Variants in METAP2 observed in about 807,000 individuals in gnomAD.
METAP2 encodes the protein methionyl aminopeptidase 2, also known as methionine aminopeptidase 2.
A neutral mutation model predicts 59.4 loss-of-function variants in METAP2; 25 were observed. The observed-to-expected ratio is 0.42, with a 90% CI of 0.31 to 0.59. The LOEUF (loss-of-function observed/expected upper bound fraction) is 0.59. Ranked by LOEUF, METAP2 falls within the 20% of genes least tolerant of loss-of-function variation. The pLI, the probability that METAP2 is intolerant of heterozygous loss-of-function variation, is 0.16. For synonymous variants in METAP2, 214 were observed against 194.1 expected, an observed-to-expected ratio of 1.10 and a Z score of -0.85; for missense variants, 366 against 581.2, an observed-to-expected ratio of 0.63 and a Z score of 3.81.
At chr12:95,490,594 G>T in intron 4 of METAP2, among the ~76,000 whole-genome samples, 1 of 146,896 alleles carries the variant, frequency 6.8e-6, no homozygotes. Context: ...TTTTGAGATG[G>T]GGTGTTGCTG....
intron 2 of METAP2, chr12:95,482,305 G>T (rs998354441): frequency 2.0e-5 from 7 of 351,466 alleles, no homozygotes; most frequent in Non-Finnish European, 3.4e-5. Context: ...TAGAGACAGG[G>T]TTTCACCATG....
At chr12:95,494,797 A>G (rs1197281880) in intron 5 of METAP2, among the ~76,000 whole-genome samples, 160 bp from the exon 6 acceptor site, 1 of 152,208 alleles carries the variant, frequency 6.6e-6, no homozygotes, top group Non-Finnish European at 1.5e-5. Context: ...TCATAGCATC[A>G]GAGAACTGTT....
chr12:95,512,714 A>AAG (rs1257050281), intron 9 of METAP2, 87 bp from the exon 10 acceptor site: 7 of 749,086 alleles, frequency 9.3e-6, no homozygotes, highest in Non-Finnish European at 1.1e-5. Flanking sequence ...CTGTCTCAAA[A>AAG]AGAGAGAGAG....
At chr12:95,506,851 G>A (rs1211584710) in intron 8 of METAP2, among the ~76,000 whole-genome samples, 2 of 150,448 alleles carry the variant, frequency 1.3e-5, no homozygotes, top group African/African-American at 2.5e-5. Context: ...TACTCGTTCT[G>A]TCACCCAGGC....
intron 4 of METAP2, among the ~76,000 whole-genome samples, chr12:95,491,351 T>C (rs1314431633): frequency 1.3e-5 from 2 of 152,202 alleles, no homozygotes; most frequent in African/African-American, 4.8e-5. Context: ...CCTTCTACAT[T>C]TATTAGGTGA....
intron 4 of METAP2, among the ~76,000 whole-genome samples, chr12:95,492,302 T>G (rs1238993201): frequency 1.3e-5 from 2 of 152,176 alleles, no homozygotes; most frequent in African/African-American, 4.8e-5. Flanking sequence ...TACCTGGCTT[T>G]AATTGCTATA....
chr12:95,475,788 A>T (rs112690176), intron 1 of METAP2, among the ~76,000 whole-genome samples: 2 of 152,126 alleles, frequency 1.3e-5, no homozygotes, highest in Non-Finnish European at 1.5e-5. Context: ...GCTGACCACT[A>T]TTACAAGTTA....
chr12:95,500,549 G>A (rs1199050118), intron 7 of METAP2, among the ~76,000 whole-genome samples: 1 of 152,142 alleles, frequency 6.6e-6, no homozygotes, highest in Non-Finnish European at 1.5e-5. Context: ...TTATTACGTT[G>A]AGGTGGTTGA....
rs1364050453 is a variant in METAP2, at chr12:95,514,729, C to T, written c.*825C>T. On this transcript the variant is annotated 3_prime_UTR_variant, in exon 11 of 11. Coordinates refer to ENST00000323666, the MANE Select transcript of METAP2 (RefSeq NM_006838.4). Reference sequence around the variant, plus strand: ...TATCAGGGAATGTATTCAGCTTGCTCAGAAAACCAAAAGGGTATTAAAGCC... The same window carrying T: ...TATCAGGGAATGTATTCAGCTTGCTTAGAAAACCAAAAGGGTATTAAAGCC... 1 of 151,436 alleles carries T rather than the reference C, an allele frequency of 6.6e-6. No individual in the cohort carries two copies. Among genetic ancestry groups the T allele is most frequent in the African/African-American group, 2.4e-5 (1 of 41,172 alleles). The allele number at this position is 151,436 out of a possible 1,614,324, so 9.4% of individuals were successfully genotyped here.
chr12:95,484,325 G>T (rs777935600), intron 3 of METAP2, among the ~76,000 whole-genome samples: 16 of 151,792 alleles, frequency 1.1e-4, no homozygotes, highest in Non-Finnish European at 1.9e-4. Flanking sequence ...CTCGTAGCCT[G>T]TGAGGGCCCA....
chr12:95,510,347 A>G (rs1340121880), intron 8 of METAP2, among the ~76,000 whole-genome samples: 2 of 152,172 alleles, frequency 1.3e-5, no homozygotes, highest in African/African-American at 4.8e-5. Flanking sequence ...AAGAACAGAA[A>G]TTGATTTCTC....
At chr12:95,501,578 A>C (rs1051450421) in intron 7 of METAP2, among the ~76,000 whole-genome samples, 5 of 152,076 alleles carry the variant, frequency 3.3e-5, no homozygotes, top group Admixed American at 2.6e-4. Flanking sequence ...AGCTAGGCTT[A>C]GTGGCATGCG....
intron 1 of METAP2, among the ~76,000 whole-genome samples, chr12:95,474,807 A>C (rs1041712100): frequency 2.6e-5 from 4 of 151,992 alleles, no homozygotes; most frequent in Admixed American, 6.6e-5. Context: ...TCCTCCCACT[A>C]TCCCGTTTCA....
chr12:95,486,818 A>G (rs1037412409), intron 4 of METAP2, among the ~76,000 whole-genome samples: 5 of 152,192 alleles, frequency 3.3e-5, no homozygotes, highest in African/African-American at 9.6e-5. Flanking sequence ...ATTAAATCAC[A>G]TAATTACCAT....
intron 3 of METAP2, chr12:95,484,972 C>T (rs1029092377): frequency 9.6e-5 from 42 of 436,520 alleles, no homozygotes; most frequent in Non-Finnish European, 1.7e-4. Context: ...TGAATCATTT[C>T]TGTAACAAGC....
At chr12:95,495,856 A>G (rs2076272308) in intron 6 of METAP2, 148 bp from the exon 7 acceptor site, 1 of 586,696 alleles carries the variant, frequency 1.7e-6, no homozygotes, top group African/African-American at 1.9e-5. Context: ...TTGATTATGA[A>G]TGATCTTTGG....
At chr12:95,513,084 A>G (rs1038328664) in intron 10 of METAP2, among the ~76,000 whole-genome samples, 168 bp downstream of exon 10, 53 of 129,406 alleles carry the variant, frequency 4.1e-4, no homozygotes, top group African/African-American at 1.3e-3. Context: ...TAACTGAGAT[A>G]AAAATTACAC....
intron 4 of METAP2, among the ~76,000 whole-genome samples, chr12:95,489,371 T>C (rs1347190526): frequency 1.3e-5 from 2 of 152,232 alleles, no homozygotes; most frequent in Non-Finnish European, 2.9e-5. Context: ...ATTAATTACA[T>C]GTTATAATAC....
chr12:95,484,209 G>C (rs899513134), intron 3 of METAP2, among the ~76,000 whole-genome samples: 2 of 151,956 alleles, frequency 1.3e-5, no homozygotes, highest in African/African-American at 2.4e-5. Flanking sequence ...TTGGGGGCTT[G>C]GTAGTGATTC....
Sources: gnomAD v4.1 joint callset for allele counts (sites outside exome capture counted in the v4.1 genomes callset) on GRCh38, gnomAD v4.1.1 for gene constraint, MANE v1.5 for transcripts, NCBI Gene and HGNC (gene_info 2026-07-23, HGNC 2026-07-21) for gene names.